The following ATRNL1 variants were observed in gnomAD, a reference collection of about 807,000 sequenced individuals.
The protein encoded by ATRNL1 is attractin like 1, also known as attractin-like protein 1.
ATRNL1 carries 95 observed loss-of-function variants against 182.7 expected under a neutral mutation model. That is an observed-to-expected ratio of 0.52 (90% CI 0.44 to 0.62). The LOEUF is 0.62. Among genes scored for constraint, ATRNL1 ranks in the 20% least tolerant of loss-of-function variants. ATRNL1 has a pLI of 0.00. For synonymous variants in ATRNL1, 576 were observed against 568.3 expected, an observed-to-expected ratio of 1.01 and a Z score of -0.19; for missense variants, 1,471 against 1,679.5, an observed-to-expected ratio of 0.88 and a Z score of 2.17.
chr10:115,319,612 T>A (rs1487027528), intron 18 of ATRNL1, among the ~76,000 whole-genome samples: 1 of 152,320 alleles, frequency 6.6e-6, no homozygotes. Flanking sequence ...CTCTTCTTGT[T>A]GAATTGTTCT....
At chr10:115,665,718 T>G (rs1241602740) in intron 26 of ATRNL1, among the ~76,000 whole-genome samples, 1 of 152,170 alleles carries the variant, frequency 6.6e-6, no homozygotes, top group East Asian at 1.9e-4. Flanking sequence ...AGTCACAGTT[T>G]GACCACTGTT....
intron 18 of ATRNL1, among the ~76,000 whole-genome samples, chr10:115,322,059 A>C (rs1354175671): frequency 6.6e-6 from 1 of 152,054 alleles, no homozygotes; most frequent in Non-Finnish European, 1.5e-5. Flanking sequence ...TTAACCAAGG[A>C]GATGAAAGAC....
At chr10:115,498,019 A>G (rs998573760) in intron 24 of ATRNL1, among the ~76,000 whole-genome samples, 25 of 152,300 alleles carry the variant, frequency 1.6e-4, no homozygotes, top group Non-Finnish European at 3.4e-4. Context: ...AACTCATTAG[A>G]AAGAGTCTTC....
chr10:115,215,712 T>A lies in ATRNL1; in HGVS notation c.1364T>A (p.Leu455His), dbSNP rs1849204714. The A allele has an allele frequency of 6.3e-7, 1 of 1,596,010 alleles. No homozygotes were observed. The highest frequency in any genetic ancestry group is 8.5e-7 in the Non-Finnish European group (1 of 1,174,254). Residue 455 changes from leucine to histidine, a missense_variant, in exon 9 of 29, where the codon CTT (leucine) becomes CAT (histidine). This residue lies in a region of ATRNL1 where 1,031 missense variants were observed against 1,156.0 expected (regional missense o/e 0.89). Coordinates refer to ENST00000355044, the MANE Select transcript of ATRNL1 (RefSeq NM_207303.4). Reference protein sequence around the residue: ...QEYHISSNTWLVPETKGAIVQ... With the variant: ...QEYHISSNTWHVPETKGAIVQ... ...TCTGTTACAGCATCAAACACTTGGC[T>A]TGTTCCAGAAACTAAAGGAGCTATT... is the stretch of plus-strand genomic sequence containing the variant.
At chr10:115,616,635 C>A (rs1857442345) in intron 26 of ATRNL1, among the ~76,000 whole-genome samples, 1 of 152,194 alleles carries the variant, frequency 6.6e-6, no homozygotes, top group Non-Finnish European at 1.5e-5. Context: ...TAGCCTTGTG[C>A]AACCTTGGGA....
rs78401125 is a variant in ATRNL1 at position 115,514,087 on chromosome 10, G to T, written c.3655-5176G>T. 7.0e-3 allele frequency among the ~76,000 whole-genome samples: 1,067 copies of T among 152,032 alleles called. 4 individuals are homozygous for T. The highest frequency in any genetic ancestry group is 0.011 in the Non-Finnish European group (750 of 67,924). ...ATACTCATTATTGTAAAAGGTAGGAGAGTATTATCTGTAGCAGGAGTTGGT... is the reference window on the plus strand; with the variant it reads ...ATACTCATTATTGTAAAAGGTAGGATAGTATTATCTGTAGCAGGAGTTGGT... On this transcript the variant is annotated intron_variant, in intron 24 of 28. Coordinates refer to ENST00000355044, the MANE Select transcript of ATRNL1 (RefSeq NM_207303.4).
intron 20 of ATRNL1, among the ~76,000 whole-genome samples, chr10:115,423,108 A>C (rs1554962227): frequency 4.6e-5 from 7 of 152,250 alleles, no homozygotes; most frequent in Non-Finnish European, 1.5e-5. Flanking sequence ...TTTGTGACAC[A>C]AAGAAATGAT....
Position 115,335,253 on chromosome 10 carries a change from C to T in ATRNL1, c.3175+834C>T, listed in dbSNP as rs564616365. On this transcript the variant is annotated intron_variant, in intron 19 of 28. Transcript: ENST00000355044. ...CTTGTCTTTTAAATTTTTAATCTAC[C>T]GTCTCTAAATGGAGTTTGCCTACAT... Among the ~76,000 whole-genome samples the T allele has an allele frequency of 2.3e-4, 35 of 152,028 alleles. 1 individual carries two copies. Among genetic ancestry groups the T allele is most frequent in the Admixed American group, 2.2e-3 (33 of 15,262 alleles).
At chr10:115,239,627 C>G (rs1419260649) in intron 9 of ATRNL1, among the ~76,000 whole-genome samples, 1 of 152,084 alleles carries the variant, frequency 6.6e-6, no homozygotes, top group East Asian at 1.9e-4. Context: ...TGGCCTGTTC[C>G]TCTTAGAGTG....
chr10:115,438,100 C>T (rs1485277572), intron 21 of ATRNL1, among the ~76,000 whole-genome samples: 1 of 151,930 alleles, frequency 6.6e-6, no homozygotes, highest in African/African-American at 2.4e-5. Flanking sequence ...GTTTGTTTCT[C>T]AAAAAATTCA....
intron 24 of ATRNL1, among the ~76,000 whole-genome samples, chr10:115,488,476 C>G (rs182951184): frequency 2.0e-5 from 3 of 152,096 alleles, no homozygotes; most frequent in African/African-American, 7.2e-5. Context: ...AGGAATTTAT[C>G]CATTTCTTCT....
At chr10:115,748,320 A>G (rs1479226486) in intron 27 of ATRNL1, among the ~76,000 whole-genome samples, 2 of 147,804 alleles carry the variant, frequency 1.4e-5, no homozygotes, top group Non-Finnish European at 3.0e-5. Flanking sequence ...TCTATAATTC[A>G]TTTGATTAAT....
chr10:115,189,186 G>A (rs781922060), intron 8 of ATRNL1, among the ~76,000 whole-genome samples: 2 of 152,048 alleles, frequency 1.3e-5, no homozygotes, highest in Non-Finnish European at 2.9e-5. Flanking sequence ...GGTGATGCTG[G>A]TGTAAACAAA....
intron 8 of ATRNL1, among the ~76,000 whole-genome samples, chr10:115,199,730 T>C (rs181384268): frequency 1.2e-3 from 180 of 152,288 alleles, no homozygotes; most frequent in African/African-American, 4.1e-3. Context: ...TTATGAGAGA[T>C]TCTGGAAATT....
intron 27 of ATRNL1, among the ~76,000 whole-genome samples, chr10:115,783,777 G>A (rs765122696): frequency 6.6e-6 from 1 of 152,154 alleles, no homozygotes; most frequent in African/African-American, 2.4e-5. Flanking sequence ...CACTTTGGGA[G>A]GCCGAGACGG....
chr10:115,306,839 A>G (rs1472068941), intron 17 of ATRNL1, among the ~76,000 whole-genome samples: 2 of 152,188 alleles, frequency 1.3e-5, no homozygotes, highest in African/African-American at 2.4e-5. Context: ...CAATATAATT[A>G]TACAGTGCAA....
chr10:115,814,784 T>G (rs1366613098), intron 27 of ATRNL1, among the ~76,000 whole-genome samples: 1 of 152,114 alleles, frequency 6.6e-6, no homozygotes, highest in Non-Finnish European at 1.5e-5. Context: ...AAAAAGTTAG[T>G]CATGAGACCT....
intron 5 of ATRNL1, among the ~76,000 whole-genome samples, chr10:115,140,615 C>T (rs1020555491): frequency 8.5e-5 from 13 of 152,126 alleles, no homozygotes; most frequent in Non-Finnish European, 2.9e-5. Context: ...TCAAATTGTT[C>T]CTGTTCCTTT....
intron 8 of ATRNL1, among the ~76,000 whole-genome samples, chr10:115,195,534 C>T (rs1848327732): frequency 6.6e-6 from 1 of 151,954 alleles, no homozygotes; most frequent in African/African-American, 2.4e-5. Context: ...TGGATCTGTT[C>T]CTTATCCTTG....
Sources: gnomAD v4.1 joint callset for allele counts (sites outside exome capture counted in the v4.1 genomes callset) on GRCh38, gnomAD v4.1.1 for gene constraint, gnomAD v4.1.1 regional missense constraint, MANE v1.5 for transcripts, NCBI Gene and HGNC (gene_info 2026-07-23, HGNC 2026-07-21) for gene names.